Variants in DPY19L1 observed in about 807,000 individuals in gnomAD.
The protein encoded by DPY19L1 is dpy-19 like C-mannosyltransferase 1.
DPY19L1 carries 35 observed loss-of-function variants against 96.9 expected under a neutral mutation model. The observed-to-expected ratio is 0.36, with a 90% CI of 0.28 to 0.48. DPY19L1 has a LOEUF of 0.48. Among genes scored for constraint, DPY19L1 ranks in the 20% least tolerant of loss-of-function variants. The pLI, the probability that DPY19L1 is intolerant of heterozygous loss-of-function variation, is 0.99. For missense variants in DPY19L1, 521 were observed against 777.9 expected (o/e 0.67, Z 3.93); for synonymous variants, 205 against 252.6 (o/e 0.81, Z 1.79).
chr7:35,003,462 C>T (rs1357163943), intron 6 of DPY19L1, among the ~76,000 whole-genome samples: 1 of 152,250 alleles, frequency 6.6e-6, no homozygotes, highest in East Asian at 1.9e-4. Context: ...CTTGGCTCCA[C>T]ATACTTTACT....
At chr7:35,022,919 G>T (rs1377340022) in intron 1 of DPY19L1, among the ~76,000 whole-genome samples, 1 of 152,206 alleles carries the variant, frequency 6.6e-6, no homozygotes, top group Non-Finnish European at 1.5e-5. Context: ...GGACGCCTTG[G>T]TGCTGGCGGC....
In DPY19L1 at chr7:34,931,665, A is replaced by G; in HGVS notation, c.2155T>C (p.Leu719=). 6.3e-7 allele frequency: 1 copy of G among 1,598,774 alleles called. No individual in the cohort carries two copies. Among genetic ancestry groups the G allele is most frequent in the Non-Finnish European group, 8.5e-7 (1 of 1,173,660 alleles). Residue 719 remains leucine (L), a synonymous_variant, in exon 22 of 22, where the codon TTA becomes CTA. Coordinates refer to ENST00000638088, the MANE Select transcript of DPY19L1 (RefSeq NM_001366673.1). ...EDPANAGKTP[L]CNLLVKDSKP... ...GAATCCTTCACCAAGAGGTTACATA[A>G]GGGAGTTTTCCCAGCATTGGCAGGA...
intron 9 of DPY19L1, among the ~76,000 whole-genome samples, chr7:34,968,699 G>C (rs1043956714): frequency 6.7e-6 from 1 of 149,798 alleles, no homozygotes; most frequent in African/African-American, 2.5e-5. Flanking sequence ...GAACCCAGGA[G>C]GTGGGGTTGC....
At chr7:34,983,685 A>T (rs1003640115) in intron 7 of DPY19L1, among the ~76,000 whole-genome samples, 1 of 152,002 alleles carries the variant, frequency 6.6e-6, no homozygotes, top group Non-Finnish European at 1.5e-5. Context: ...GAAAAAAAAA[A>T]ATGGGAGAAA....
In DPY19L1 at chr7:34,939,387, G is replaced by GA; in HGVS notation, c.1865-13dup. The GA allele has an allele frequency of 6.2e-7, 1 of 1,612,990 alleles. No individual in the cohort carries two copies. The highest frequency in any genetic ancestry group is 1.7e-4 in the Middle Eastern group (1 of 6,054). ...CGCAAACACTGCATCTGGAAGGCAA[G>GA]AGGAATGTCTCAGGAAGACACTCAG... On this transcript the variant is annotated splice_polypyrimidine_tract_variant and intron_variant, in intron 19 of 21. Coordinates refer to ENST00000638088, the MANE Select transcript of DPY19L1 (RefSeq NM_001366673.1).
chr7:34,959,910 T>C (rs1649231), intron 10 of DPY19L1, among the ~76,000 whole-genome samples: 1 of 19,642 alleles, frequency 5.1e-5, no homozygotes, highest in African/African-American at 2.0e-4. Context: ...TATATATATA[T>C]ATATATATAT....
chr7:34,993,989 C>G (rs1384379638), intron 6 of DPY19L1, among the ~76,000 whole-genome samples: 2 of 152,034 alleles, frequency 1.3e-5, no homozygotes, highest in South Asian at 4.1e-4. Flanking sequence ...TCGTTTGAAC[C>G]GGGAAGGTGG....
chr7:34,994,114 T>G (rs1785232790), intron 6 of DPY19L1, among the ~76,000 whole-genome samples: 1 of 152,116 alleles, frequency 6.6e-6, no homozygotes, highest in African/African-American at 2.4e-5. Context: ...TACTAAAAGT[T>G]AAAACTTCTA....
chr7:35,034,117 G>A lies in DPY19L1; in HGVS notation c.298+2980C>T, dbSNP rs574196769. 1.9e-4 allele frequency among the ~76,000 whole-genome samples: 29 copies of A among 152,188 alleles called. 1 individual carries two copies. The highest frequency in any genetic ancestry group is 5.2e-4 in the Admixed American group (8 of 15,296). Reference sequence around the variant, plus strand: ...TGAGTCAAACAGGATTAATGCAAAGGGGGGAAAAGGTAGTTTTTATCATCC... The same window carrying A: ...TGAGTCAAACAGGATTAATGCAAAGAGGGGAAAAGGTAGTTTTTATCATCC... On this transcript the variant is annotated intron_variant, in intron 1 of 21. Transcript: ENST00000638088.
chr7:34,979,408 T>C (rs1214984287), intron 7 of DPY19L1, among the ~76,000 whole-genome samples: 7 of 152,088 alleles, frequency 4.6e-5, no homozygotes, highest in African/African-American at 9.7e-5. Context: ...ATGATTCAAA[T>C]TGCACTGTCA....
intron 1 of DPY19L1, among the ~76,000 whole-genome samples, chr7:35,025,967 A>C (rs568451319): frequency 5.3e-5 from 8 of 152,358 alleles, no homozygotes; most frequent in Middle Eastern, 3.4e-3. Context: ...ATAATGCAGC[A>C]ATAGAGAGCC....
chr7:34,948,300 T>C (rs551963679), intron 14 of DPY19L1, among the ~76,000 whole-genome samples: 131 of 152,330 alleles, frequency 8.6e-4, no homozygotes, highest in Admixed American at 2.0e-3. Context: ...TTTATGTGTG[T>C]TAATTATGGG....
At chr7:35,007,607 G>A (rs1022955513) in intron 6 of DPY19L1, among the ~76,000 whole-genome samples, 129 of 87,492 alleles carry the variant, frequency 1.5e-3, no homozygotes, top group Middle Eastern at 5.7e-3. Flanking sequence ...GTGTGTGTGT[G>A]TGTATATATA....
chr7:35,023,515 T>C (rs1786044091), intron 1 of DPY19L1, among the ~76,000 whole-genome samples: 1 of 152,214 alleles, frequency 6.6e-6, no homozygotes. Context: ...AAAATTACTT[T>C]TTTTCCTCTT....
chr7:34,994,076 T>C (rs1341731036), intron 6 of DPY19L1, among the ~76,000 whole-genome samples: 1 of 152,038 alleles, frequency 6.6e-6, no homozygotes, highest in Non-Finnish European at 1.5e-5. Flanking sequence ...AATAAAAATT[T>C]TTTTGGACAA....
intron 1 of DPY19L1, among the ~76,000 whole-genome samples, chr7:35,021,484 C>T (rs1785994150): frequency 6.6e-6 from 1 of 152,158 alleles, no homozygotes; most frequent in East Asian, 1.9e-4. Context: ...TTTTTCATTT[C>T]AACTCAGTAA....
At chr7:34,970,768 C>A (rs1784708707) in intron 8 of DPY19L1, among the ~76,000 whole-genome samples, 1 of 135,706 alleles carries the variant, frequency 7.4e-6, no homozygotes, top group Non-Finnish European at 1.6e-5. Flanking sequence ...GAACAGAAAA[C>A]AAAGAAAATC....
intron 3 of DPY19L1, among the ~76,000 whole-genome samples, chr7:35,016,913 T>C (rs1238732426): frequency 6.6e-6 from 1 of 151,102 alleles, no homozygotes; most frequent in African/African-American, 2.4e-5. Context: ...GTAAAGAAAT[T>C]CACATATTAA....
In DPY19L1 at chr7:34,933,255, A is replaced by G. The variant is rs73096777; in HGVS notation, c.2091-1526T>C. ...GGTGCACCCACCACCAGAGCAGTGT[A>G]AAGTGTACCCAATGTGTAGTCTTTT... On this transcript the variant is annotated intron_variant, in intron 21 of 21. Transcript: ENST00000638088. 7.0e-3 allele frequency among the ~76,000 whole-genome samples: 1,067 copies of G among 152,332 alleles called. 9 individuals carry two copies. The highest frequency in any genetic ancestry group is 0.012 in the Non-Finnish European group (844 of 68,020).
Sources: allele counts gnomAD v4.1 joint callset (sites outside exome capture counted in the v4.1 genomes callset), GRCh38; gene constraint gnomAD v4.1.1; transcripts MANE v1.5; gene names NCBI Gene and HGNC (gene_info 2026-07-23, HGNC 2026-07-21).